SRGAP1: variants seen among roughly 807,000 people sequenced by gnomAD.
SRGAP1 encodes SLIT-ROBO Rho GTPase-activating protein 1.
A neutral mutation model predicts 121.9 loss-of-function variants in SRGAP1; 43 were observed. The observed-to-expected ratio is 0.35, with a 90% CI of 0.28 to 0.46. The LOEUF (loss-of-function observed/expected upper bound fraction) is 0.46, where lower values mean the gene tolerates loss of function less well. Among genes scored for constraint, SRGAP1 ranks in the 20% least tolerant of loss-of-function variants. The probability of loss-of-function intolerance (pLI) is 1.00; values close to 1 mark genes in which losing one functional copy is unlikely to be tolerated. For synonymous variants in SRGAP1, 447 were observed against 485.4 expected, an observed-to-expected ratio of 0.92 and a Z score of 1.04; for missense variants, 1,102 against 1,350.9, an observed-to-expected ratio of 0.82 and a Z score of 2.89.
In SRGAP1 at chr12:64,151,423, T is replaced by C. The variant is rs546255925; in HGVS notation, c.*8751T>C. 2 of 152,322 alleles carry C rather than the reference T, an allele frequency of 1.3e-5. No homozygotes were observed. The highest frequency in any genetic ancestry group is 1.3e-4 in the Admixed American group (2 of 15,310). The allele number at this position is 152,322 out of a possible 1,614,324, so 9.4% of individuals were successfully genotyped here. A position where few individuals can be genotyped will look rare whatever the true frequency, so the allele number is the denominator to read the frequency against. Reference sequence around the variant, plus strand: ...GCCTGTTTGAAGGTTTTGTTTTTTTTTCAATTGAATGTTATGTTGTGGTGA... The same window carrying C: ...GCCTGTTTGAAGGTTTTGTTTTTTTCTCAATTGAATGTTATGTTGTGGTGA... On this transcript the variant is annotated 3_prime_UTR_variant, in exon 22 of 22. Transcript: ENST00000355086.
chr12:64,096,190 A>G (rs1473170102), intron 14 of SRGAP1, among the ~76,000 whole-genome samples: 1 of 152,168 alleles, frequency 6.6e-6, no homozygotes, highest in Non-Finnish European at 1.5e-5. Flanking sequence ...AAATTTTCCC[A>G]GTATTTGTTA....
Position 63,865,893 on chromosome 12 carries a change from A to G in SRGAP1, c.67+21010A>G, listed in dbSNP as rs111381175. Among the ~76,000 whole-genome samples, 738 of 151,642 alleles carry G rather than the reference A, an allele frequency of 4.9e-3. 10 individuals carry two copies. Among genetic ancestry groups the G allele is most frequent in the African/African-American group, 0.017 (702 of 41,284 alleles). On this transcript the variant is annotated intron_variant, in intron 1 of 21. Coordinates refer to ENST00000355086, the MANE Select transcript of SRGAP1 (RefSeq NM_020762.4). ...ATGACCATGACCTTTTTTTGGTGCA[A>G]GTTTGGTTTTGGGAAGTGCTTTGGA...
chr12:63,899,481 C>T (rs140682459), intron 1 of SRGAP1, among the ~76,000 whole-genome samples: 2 of 152,254 alleles, frequency 1.3e-5, no homozygotes, highest in African/African-American at 4.8e-5. Flanking sequence ...AGCTACTGAA[C>T]CAGAATAGGT....
chr12:64,125,273 T>C (rs1463697911), intron 18 of SRGAP1, among the ~76,000 whole-genome samples: 3 of 152,190 alleles, frequency 2.0e-5, no homozygotes, highest in African/African-American at 7.2e-5. Flanking sequence ...TATCTTTTGA[T>C]CTCAAGAAAA....
intron 21 of SRGAP1, among the ~76,000 whole-genome samples, chr12:64,141,179 G>A (rs2036952460): frequency 6.8e-6 from 1 of 147,760 alleles, no homozygotes; most frequent in Admixed American, 6.7e-5. Flanking sequence ...GCTAGATGAT[G>A]AGTTAGTGGG....
intron 1 of SRGAP1, among the ~76,000 whole-genome samples, chr12:63,932,648 A>G (rs184847136): frequency 9.8e-5 from 15 of 152,356 alleles, no homozygotes; most frequent in African/African-American, 2.6e-4. Context: ...TCCTTGAAAT[A>G]TAGGGACCTA....
chr12:63,936,403 T>C (rs759365266), intron 1 of SRGAP1, among the ~76,000 whole-genome samples: 6 of 152,190 alleles, frequency 3.9e-5, no homozygotes, highest in Non-Finnish European at 8.8e-5. Context: ...TTTCCAGTTA[T>C]CAGAAATTGG....
intron 1 of SRGAP1, among the ~76,000 whole-genome samples, chr12:63,947,981 GT>G (rs533820163): frequency 3.4e-5 from 5 of 148,574 alleles, no homozygotes; most frequent in South Asian, 2.1e-4. Flanking sequence ...TTTGCTAACA[GT>G]TTTTTTTTTC....
chr12:64,125,332 G>A (rs1282718188), intron 18 of SRGAP1, among the ~76,000 whole-genome samples: 1 of 151,958 alleles, frequency 6.6e-6, no homozygotes, highest in Non-Finnish European at 1.5e-5. Flanking sequence ...GGCAATTTAA[G>A]GCATATTTGT....
chr12:63,847,209 A>C (rs1898931166), intron 1 of SRGAP1, among the ~76,000 whole-genome samples: 1 of 152,138 alleles, frequency 6.6e-6, no homozygotes, highest in Admixed American at 6.5e-5. Context: ...GGTGGCACAC[A>C]CCTGTGGTCC....
chr12:64,110,739 A>G (rs1263771971), intron 16 of SRGAP1, among the ~76,000 whole-genome samples: 1 of 152,184 alleles, frequency 6.6e-6, no homozygotes, highest in Non-Finnish European at 1.5e-5. Context: ...TTTTTAAAAA[A>G]TATTGTGTGT....
intron 6 of SRGAP1, among the ~76,000 whole-genome samples, chr12:64,054,968 ATGAG>A (rs1951038591): frequency 6.9e-6 from 1 of 143,918 alleles, no homozygotes; most frequent in Non-Finnish European, 1.5e-5. Flanking sequence ...ATTCCCAACT[ATGAG>A]TGAGAATATG....
rs1373244588 is a variant in SRGAP1 at position 64,150,956 on chromosome 12, A to AAAAAAAAAAAAAAAAAAAAAG, written c.*8288_*8289insAAAAAAAAAAAAAAAAGAAAA. The stretch of plus-strand genomic sequence containing the variant: ...TCTCAAAAAAAAAAAAAAAAAAAAA[A>AAAAAAAAAAAAAAAAAAAAAG]AAAACATGGTCAAGATTTGTAATAG... On this transcript the variant is annotated 3_prime_UTR_variant, in exon 22 of 22. Coordinates refer to ENST00000355086, the MANE Select transcript of SRGAP1 (RefSeq NM_020762.4). The AAAAAAAAAAAAAAAAAAAAAG allele has an allele frequency of 6.8e-6, 1 of 147,932 alleles. No individual in the cohort carries two copies. Among genetic ancestry groups the AAAAAAAAAAAAAAAAAAAAAG allele is most frequent in the Non-Finnish European group, 1.5e-5 (1 of 67,070 alleles). The allele number at this position is 147,932 out of a possible 1,614,324, so 9.2% of individuals were successfully genotyped here.
intron 6 of SRGAP1, among the ~76,000 whole-genome samples, chr12:64,044,360 G>T (rs2035083706): frequency 6.6e-6 from 1 of 152,100 alleles, no homozygotes; most frequent in African/African-American, 2.4e-5. Flanking sequence ...GCAAATAAAA[G>T]ATAACAAGTG....
intron 1 of SRGAP1, among the ~76,000 whole-genome samples, chr12:63,905,879 C>T (rs2136311277): frequency 6.6e-6 from 1 of 152,316 alleles, no homozygotes; most frequent in South Asian, 2.1e-4. Context: ...AAAGGTTAGA[C>T]TCAATCAGAC....
At chr12:64,112,556 A>G (rs1006004875) in intron 17 of SRGAP1, among the ~76,000 whole-genome samples, 5 of 152,222 alleles carry the variant, frequency 3.3e-5, no homozygotes, top group African/African-American at 1.2e-4. Context: ...GCTGCAAATG[A>G]CAGGATCTCA....
intron 1 of SRGAP1, chr12:63,887,752 T>C (rs1035408702): frequency 1.3e-5 from 2 of 152,268 alleles, no homozygotes; most frequent in African/African-American, 4.8e-5. Context: ...TCTAAGATGA[T>C]AAGAAGAAAT....
intron 15 of SRGAP1, among the ~76,000 whole-genome samples, chr12:64,104,166 A>G (rs76371001): frequency 6.6e-6 from 1 of 152,210 alleles, no homozygotes; most frequent in African/African-American, 2.4e-5. Context: ...ACTTTTTGCC[A>G]TTTGCTGAAG....
At chr12:63,919,310 G>T (rs1022071993) in intron 1 of SRGAP1, among the ~76,000 whole-genome samples, 1 of 151,872 alleles carries the variant, frequency 6.6e-6, no homozygotes, top group Non-Finnish European at 1.5e-5. Flanking sequence ...CACCTGCCTT[G>T]GCCTCCCAAG....
Sources: allele counts gnomAD v4.1 joint callset (sites outside exome capture counted in the v4.1 genomes callset), GRCh38; gene constraint gnomAD v4.1.1; transcripts MANE v1.5; gene names NCBI Gene and HGNC (gene_info 2026-07-23, HGNC 2026-07-21).